Variants in PLXDC2 observed in about 807,000 individuals in gnomAD.
PLXDC2 encodes plexin domain-containing protein 2.
PLXDC2 carries 40 observed loss-of-function variants against 68.9 expected under a neutral mutation model. The observed-to-expected ratio is 0.58, with a 90% CI of 0.45 to 0.76. The LOEUF (loss-of-function observed/expected upper bound fraction) is 0.76. Among genes scored for constraint, PLXDC2 ranks in the 30% least tolerant of loss-of-function variants. PLXDC2 has a pLI of 0.00. For missense variants in PLXDC2, 644 were observed against 661.9 expected, an observed-to-expected ratio of 0.97 and a Z score of 0.30; for synonymous variants, 243 against 234.2, an observed-to-expected ratio of 1.04 and a Z score of -0.34.
chr10:20,050,912 C>G (rs1470955605), intron 3 of PLXDC2, among the ~76,000 whole-genome samples: 1 of 151,992 alleles, frequency 6.6e-6, no homozygotes, highest in African/African-American at 2.4e-5. Flanking sequence ...ATAAATCATT[C>G]TACCATAAAG....
At chr10:19,908,436 G>C (rs901636840) in intron 1 of PLXDC2, among the ~76,000 whole-genome samples, 1 of 151,220 alleles carries the variant, frequency 6.6e-6, no homozygotes, top group African/African-American at 2.4e-5. Context: ...AAACATAAAA[G>C]ATAATGTACT....
chr10:20,218,093 A>G (rs1433066245), intron 11 of PLXDC2, among the ~76,000 whole-genome samples: 1 of 152,188 alleles, frequency 6.6e-6, no homozygotes, highest in Non-Finnish European at 1.5e-5. Context: ...GTCCTTGAAA[A>G]CAACTATTTC....
chr10:20,211,793 TTAA>T (rs1332355068), intron 10 of PLXDC2, 64 bp downstream of exon 10: 5 of 1,448,750 alleles, frequency 3.5e-6, no homozygotes, highest in Non-Finnish European at 4.8e-6. Flanking sequence ...GTTTTAACTG[TTAA>T]TAATTTTTAT....
At chr10:20,041,812 A>G (rs1835688298) in intron 2 of PLXDC2, among the ~76,000 whole-genome samples, 1 of 152,246 alleles carries the variant, frequency 6.6e-6, no homozygotes, top group Non-Finnish European at 1.5e-5. Context: ...TGGCTTATGG[A>G]CAGCCTCCTT....
intron 1 of PLXDC2, among the ~76,000 whole-genome samples, chr10:19,944,749 G>A (rs978226069): frequency 1.3e-5 from 2 of 152,096 alleles, no homozygotes; most frequent in African/African-American, 2.4e-5. Context: ...TCAGGAGTTC[G>A]AGACCAGCCT....
At chr10:20,091,203 G>A (rs916677689) in intron 4 of PLXDC2, among the ~76,000 whole-genome samples, 1 of 152,074 alleles carries the variant, frequency 6.6e-6, no homozygotes, top group African/African-American at 2.4e-5. Flanking sequence ...GGCCTTGAAG[G>A]CCACACTGAA....
intron 1 of PLXDC2, among the ~76,000 whole-genome samples, chr10:19,863,736 TAATA>T (rs1415384212): frequency 6.6e-6 from 1 of 152,236 alleles, no homozygotes; most frequent in Non-Finnish European, 1.5e-5. Flanking sequence ...CAGTTCAAAG[TAATA>T]AATAAGCTGT....
intron 2 of PLXDC2, among the ~76,000 whole-genome samples, chr10:20,021,848 G>A (rs1323503824): frequency 2.0e-5 from 3 of 151,948 alleles, no homozygotes; most frequent in South Asian, 2.1e-4. Flanking sequence ...ACAGGCATGC[G>A]CCACCAGGCC....
chr10:20,164,403 A>G (rs753431806), intron 6 of PLXDC2, 65 bp from the exon 7 acceptor site: 7 of 1,271,264 alleles, frequency 5.5e-6, no homozygotes, highest in Admixed American at 1.7e-5. Context: ...AGAGGATCCT[A>G]CTACCTTTCC....
At position 19,883,884 on chromosome 10, in the gene PLXDC2, C is replaced by CTTTTTTTTTTTTTTTTTTTTTTTTTTT. The variant is rs397846779; in HGVS notation, c.112+66694_112+66720dup. On this transcript the variant is annotated intron_variant, in intron 1 of 13. Coordinates refer to ENST00000377252, the MANE Select transcript of PLXDC2 (RefSeq NM_032812.9). ...ATTACTGTCTCCAGATCCCTTTAAA[C>CTTTTTTTTTTTTTTTTTTTTTTTTTTT]TTTTTTTTTTTTTTTTTTTTTTTTT... is the stretch of plus-strand genomic sequence containing the variant. 5.8e-4 allele frequency among the ~76,000 whole-genome samples: 32 copies of CTTTTTTTTTTTTTTTTTTTTTTTTTTT among 55,102 alleles called. 9 individuals carry two copies. Among genetic ancestry groups the CTTTTTTTTTTTTTTTTTTTTTTTTTTT allele is most frequent in the African/African-American group, 8.3e-4 (9 of 10,842 alleles). The allele number at this position is 55,102 out of a possible 152,430, so 36.1% of individuals were successfully genotyped here. A position where few individuals can be genotyped will look rare whatever the true frequency, so the allele number is the denominator to read the frequency against.
chr10:19,948,734 T>G (rs542344080), intron 1 of PLXDC2, among the ~76,000 whole-genome samples: 1 of 152,150 alleles, frequency 6.6e-6, no homozygotes, highest in Non-Finnish European at 1.5e-5. Context: ...AAGGTGTTGA[T>G]AATAAAAGAA....
chr10:20,135,178 A>T (rs1202939578), intron 4 of PLXDC2, among the ~76,000 whole-genome samples: 2 of 152,214 alleles, frequency 1.3e-5, no homozygotes, highest in African/African-American at 2.4e-5. Context: ...TATTGCTGCC[A>T]TTACTCTACC....
At chr10:20,108,147 C>T (rs1389816284) in intron 4 of PLXDC2, among the ~76,000 whole-genome samples, 3 of 152,158 alleles carry the variant, frequency 2.0e-5, no homozygotes, top group Non-Finnish European at 2.9e-5. Flanking sequence ...AAAAATCCGT[C>T]GGCACGGCAA....
At chr10:20,085,919 A>G (rs1481221314) in intron 4 of PLXDC2, among the ~76,000 whole-genome samples, 2 of 152,224 alleles carry the variant, frequency 1.3e-5, no homozygotes, top group African/African-American at 4.8e-5. Context: ...TTTTAGGCAT[A>G]AATTCCTACA....
chr10:19,835,859 A>G (rs373429981), intron 1 of PLXDC2, among the ~76,000 whole-genome samples: 7 of 152,086 alleles, frequency 4.6e-5, no homozygotes, highest in African/African-American at 7.2e-5. Flanking sequence ...AAGGTGGATG[A>G]CGTGCCAGCC....
In PLXDC2 at chr10:19,898,603, A is replaced by G. The variant is rs116313492; in HGVS notation, c.112+81412A>G. 4.5e-3 allele frequency among the ~76,000 whole-genome samples: 686 copies of G among 152,298 alleles called. 3 individuals are homozygous for G. The highest frequency in any genetic ancestry group is 0.016 in the African/African-American group (653 of 41,568). On this transcript the variant is annotated intron_variant, in intron 1 of 13. Coordinates refer to ENST00000377252, the MANE Select transcript of PLXDC2 (RefSeq NM_032812.9). ...TAACCACAATGAAAAAACTGACATT[A>G]ATTTAGAGATTAATGCCTATGGCTT...
chr10:19,867,578 A>G (rs1169974082), intron 1 of PLXDC2, among the ~76,000 whole-genome samples: 1 of 152,150 alleles, frequency 6.6e-6, no homozygotes, highest in Non-Finnish European at 1.5e-5. Flanking sequence ...TGACTCCTCA[A>G]GGCTAACTAA....
intron 1 of PLXDC2, among the ~76,000 whole-genome samples, chr10:19,917,295 C>A (rs894503865): frequency 1.3e-5 from 2 of 151,990 alleles, no homozygotes; most frequent in African/African-American, 4.8e-5. Context: ...ACTGCTATAA[C>A]AACATTAAGG....
chr10:20,047,569 G>T (rs1236960147), intron 3 of PLXDC2, among the ~76,000 whole-genome samples: 2 of 152,116 alleles, frequency 1.3e-5, no homozygotes, highest in Non-Finnish European at 2.9e-5. Flanking sequence ...TATTTCCTAA[G>T]TGTGTCTCCT....
Sources: gnomAD v4.1 joint callset for allele counts (sites outside exome capture counted in the v4.1 genomes callset) on GRCh38, gnomAD v4.1.1 for gene constraint, MANE v1.5 for transcripts, NCBI Gene and HGNC (gene_info 2026-07-23, HGNC 2026-07-21) for gene names.